Variants in SPECC1 observed in about 807,000 individuals in gnomAD.
SPECC1 encodes sperm antigen with calponin homology and coiled-coil domains 1, also known as cytospin-B.
A neutral mutation model predicts 104.1 loss-of-function variants in SPECC1; 62 were observed. The ratio of observed to expected loss-of-function variants is 0.60; its 90% CI spans 0.49 to 0.74. The LOEUF (loss-of-function observed/expected upper bound fraction) is 0.74, where lower values mean the gene tolerates loss of function less well. SPECC1 is among the 30% of genes least tolerant of loss of function. SPECC1 has a pLI of 0.00. For missense variants in SPECC1, 1,306 were observed against 1,310.5 expected, an observed-to-expected ratio of 1.00 and a Z score of 0.05; for synonymous variants, 513 against 501.6, an observed-to-expected ratio of 1.02 and a Z score of -0.30.
chr17:20,232,902 A>G (rs541269751), intron 7 of SPECC1, among the ~76,000 whole-genome samples: 3 of 152,118 alleles, frequency 2.0e-5, no homozygotes, highest in African/African-American at 7.2e-5. Context: ...GACATAACCT[A>G]TTTTATTAAA....
intron 7 of SPECC1, chr17:20,236,959 A>G: frequency 6.2e-7 from 1 of 1,609,242 alleles, no homozygotes; most frequent in Non-Finnish European, 8.5e-7. Context: ...TGAAAGGGGG[A>G]ATGTGTAGAG....
intron 3 of SPECC1, among the ~76,000 whole-genome samples, chr17:20,143,406 G>A (rs1203953229): frequency 1.3e-5 from 2 of 150,636 alleles, no homozygotes; most frequent in African/African-American, 2.4e-5. Context: ...AAAAAAGTCC[G>A]AGCGTGGTGG....
intron 3 of SPECC1, chr17:20,155,277 T>C (rs570229575): frequency 6.6e-6 from 1 of 152,160 alleles, no homozygotes; most frequent in Non-Finnish European, 1.5e-5. Flanking sequence ...TTAGGAGTAA[T>C]CAGTGGTGTC....
intron 3 of SPECC1, 136 bp from the exon 4 acceptor site, chr17:20,204,197 A>C: frequency 5.6e-6 from 6 of 1,064,076 alleles, no homozygotes; most frequent in Non-Finnish European, 8.0e-6. Context: ...AGAACTGGGT[A>C]ATTAGCTAGA....
intron 7 of SPECC1, among the ~76,000 whole-genome samples, chr17:20,235,905 C>T (rs935908071): frequency 3.9e-5 from 6 of 152,220 alleles, no homozygotes; most frequent in Admixed American, 1.3e-4. Context: ...CAGCGCAGCA[C>T]GTGCAGACTC....
At chr17:20,097,686 T>C (rs1429758196) in intron 2 of SPECC1, among the ~76,000 whole-genome samples, 1 of 152,104 alleles carries the variant, frequency 6.6e-6, no homozygotes, top group Non-Finnish European at 1.5e-5. Context: ...ATTTTTGGAC[T>C]TAGAGCAGAC....
intron 1 of SPECC1, among the ~76,000 whole-genome samples, chr17:20,080,189 T>C (rs1235169659): frequency 6.6e-6 from 1 of 152,146 alleles, no homozygotes; most frequent in Non-Finnish European, 1.5e-5. Context: ...GCAGAACTCT[T>C]GAATGTGGTC....
intron 5 of SPECC1, 64 bp downstream of exon 5, chr17:20,227,684 G>A: frequency 1.3e-6 from 2 of 1,482,396 alleles, no homozygotes; most frequent in South Asian, 1.2e-5. Flanking sequence ...GGAGGCTGAG[G>A]CAGGAGGATC....
At chr17:20,252,056 A>G (rs1465649574) in intron 9 of SPECC1, among the ~76,000 whole-genome samples, 1 of 152,170 alleles carries the variant, frequency 6.6e-6, no homozygotes, top group Non-Finnish European at 1.5e-5. Context: ...ACAAAACAAT[A>G]TAATGCTATG....
chr17:20,251,224 CAA>C lies in SPECC1; in HGVS notation c.2599-2265_2599-2264del, dbSNP rs58071050. ...TGGGCGACAGAGTAAGACTCTATCT[CAA>C]AAAAAAAAAAAAAAAGCATATGGTC... On this transcript the variant is annotated intron_variant, in intron 9 of 14. Transcript: ENST00000395527. Among the ~76,000 whole-genome samples the C allele has an allele frequency of 0.015, 757 of 50,980 alleles. 99 individuals carry two copies. The East Asian group carries it at 0.3, about 20-fold the overall frequency. 33.4% of individuals were successfully genotyped at this position (50,980 alleles called of 152,430 possible). A position where few individuals can be genotyped will look rare whatever the true frequency, so the allele number is the denominator to read the frequency against.
intron 1 of SPECC1, chr17:20,057,574 T>C (rs995428903): frequency 6.6e-6 from 1 of 152,238 alleles, no homozygotes; most frequent in Non-Finnish European, 1.5e-5. Context: ...CACTGCAGTC[T>C]TGATCTCCTG....
At chr17:20,199,703 A>G (rs2036286369) in intron 3 of SPECC1, among the ~76,000 whole-genome samples, 1 of 152,018 alleles carries the variant, frequency 6.6e-6, no homozygotes, top group Non-Finnish European at 1.5e-5. Context: ...GTTCTCCATA[A>G]TGGTTGTACT....
intron 1 of SPECC1, among the ~76,000 whole-genome samples, chr17:20,013,797 C>T (rs1200324248): frequency 2.0e-5 from 3 of 152,158 alleles, no homozygotes; most frequent in Non-Finnish European, 4.4e-5. Flanking sequence ...ACCACTGTGC[C>T]GAGCTGGTTC....
intron 12 of SPECC1, among the ~76,000 whole-genome samples, chr17:20,267,194 A>G (rs1450398588): frequency 6.6e-6 from 1 of 152,122 alleles, no homozygotes; most frequent in Non-Finnish European, 1.5e-5. Flanking sequence ...TCTTTTTGGA[A>G]TAAGTCACTC....
intron 1 of SPECC1, among the ~76,000 whole-genome samples, chr17:20,082,834 A>G (rs977831878): frequency 1.3e-5 from 2 of 151,006 alleles, no homozygotes; most frequent in African/African-American, 4.9e-5. Flanking sequence ...GCGGGGAGGG[A>G]CACAGTTCAG....
chr17:20,137,646 A>T (rs1006398142), intron 3 of SPECC1, among the ~76,000 whole-genome samples: 13 of 152,118 alleles, frequency 8.5e-5, no homozygotes, highest in Non-Finnish European at 1.5e-4. Context: ...AGGTTTTTTT[A>T]AAATTAAATC....
chr17:20,049,817 TTTTA>T (rs1336954965), intron 1 of SPECC1, among the ~76,000 whole-genome samples: 1 of 152,050 alleles, frequency 6.6e-6, no homozygotes, highest in African/African-American at 2.4e-5. Flanking sequence ...CTTTCTTTAT[TTTTA>T]TTTATTTATT....
intron 3 of SPECC1, among the ~76,000 whole-genome samples, chr17:20,192,712 A>G (rs1266298004): frequency 6.6e-6 from 1 of 152,136 alleles, no homozygotes; most frequent in Non-Finnish European, 1.5e-5. Flanking sequence ...GACAGTATTC[A>G]TATGTTCTAG....
At chr17:20,277,996 C>G (rs896716230) in intron 12 of SPECC1, among the ~76,000 whole-genome samples, 1 of 152,090 alleles carries the variant, frequency 6.6e-6, no homozygotes, top group Non-Finnish European at 1.5e-5. Context: ...TTGTGTCTTC[C>G]AGAACCAAAG....
Sources: gnomAD v4.1 joint callset for allele counts (sites outside exome capture counted in the v4.1 genomes callset) on GRCh38, gnomAD v4.1.1 for gene constraint, MANE v1.5 for transcripts, NCBI Gene and HGNC (gene_info 2026-07-23, HGNC 2026-07-21) for gene names.